Variants in UNC50 observed in about 807,000 individuals in gnomAD.
UNC50 encodes unc-50 inner nuclear membrane RNA binding protein, also known as protein unc-50 homolog.
A neutral mutation model predicts 31.5 loss-of-function variants in UNC50; 24 were observed. The observed-to-expected ratio is 0.76, with a 90% CI of 0.55 to 1.07. UNC50 has a LOEUF of 1.07. Among genes scored for constraint, UNC50 ranks in the 50% least tolerant of loss-of-function variants. The pLI, the probability that UNC50 is intolerant of heterozygous loss-of-function variation, is 0.00. For synonymous variants in UNC50, 118 were observed against 114.7 expected, an observed-to-expected ratio of 1.03 and a Z score of -0.18; for missense variants, 245 against 304.2, an observed-to-expected ratio of 0.81 and a Z score of 1.45.
At chr2:98,613,959 G>A (rs1460650569) in intron 3 of UNC50, among the ~76,000 whole-genome samples, 1 of 152,194 alleles carries the variant, frequency 6.6e-6, no homozygotes, top group East Asian at 1.9e-4. Flanking sequence ...ATAGAGGTGT[G>A]AACAGCACAC....
At chr2:98,618,031 T>C (rs1168797293) in intron 5 of UNC50, 137 bp from the exon 6 acceptor site, 2 of 934,796 alleles carry the variant, frequency 2.1e-6, no homozygotes, top group South Asian at 1.9e-5. Flanking sequence ...TGGGCATAAA[T>C]AGCATCATCT....
At chr2:98,614,846 GTTAACA>G (rs1700894534) in intron 3 of UNC50, among the ~76,000 whole-genome samples, 1 of 152,144 alleles carries the variant, frequency 6.6e-6, no homozygotes, top group Non-Finnish European at 1.5e-5. Context: ...TGCAGGGACT[GTTAACA>G]TTAGTATTGT....
intron 3 of UNC50, among the ~76,000 whole-genome samples, chr2:98,612,128 T>C (rs1700843813): frequency 6.6e-6 from 1 of 152,162 alleles, no homozygotes; most frequent in African/African-American, 2.4e-5. Context: ...GGGCAGGGGA[T>C]GTGGCTAGCG....
Position 98,616,359 on chromosome 2 carries a change from TA to T in UNC50, c.541+15del. ...TTTTTCATCAACCGTAAGTAGCAGTTAATTAGAGTATTATCCAAGTCTTCAT... is the reference window on the plus strand; with the variant it reads ...TTTTTCATCAACCGTAAGTAGCAGTTATTAGAGTATTATCCAAGTCTTCAT... On this transcript the variant is annotated intron_variant, in intron 4 of 5. Coordinates refer to ENST00000357765, the MANE Select transcript of UNC50 (RefSeq NM_014044.7). The T allele has an allele frequency of 1.2e-6, 2 of 1,613,844 alleles. No individual in the cohort carries two copies. Among genetic ancestry groups the T allele is most frequent in the Non-Finnish European group, 1.7e-6 (2 of 1,179,820 alleles).
chr2:98,616,164 A>G (rs778552483), intron 3 of UNC50, 43 bp from the exon 4 acceptor site: 1 of 1,581,024 alleles, frequency 6.3e-7, no homozygotes, highest in South Asian at 1.1e-5. Context: ...AAACATTTAC[A>G]GAATTCATTT....
At chr2:98,614,726 A>G (rs183575619) in intron 3 of UNC50, among the ~76,000 whole-genome samples, 8 of 152,356 alleles carry the variant, frequency 5.3e-5, no homozygotes, top group African/African-American at 1.7e-4. Flanking sequence ...GGAGCGAGCT[A>G]CATACTGATT....
chr2:98,618,327 G>C lies in UNC50; in HGVS notation c.*23G>C, dbSNP rs17034353. 5 of 1,585,374 alleles carry C rather than the reference G, an allele frequency of 3.2e-6. No individual in the cohort carries two copies. The highest frequency in any genetic ancestry group is 1.4e-5 in the African/African-American group (1 of 73,082). ...TAAAAAGTGAGAAGAAGATTCAATC[G>C]TAACTGTGTCAACAGTATTGTGAAG... On this transcript the variant is annotated 3_prime_UTR_variant, in exon 6 of 6. Transcript: ENST00000357765.
chr2:98,611,398 C>G (rs1700826388), intron 3 of UNC50, among the ~76,000 whole-genome samples: 1 of 152,148 alleles, frequency 6.6e-6, no homozygotes, highest in South Asian at 2.1e-4. Flanking sequence ...TTTGATCTGC[C>G]TTTCACTGAA....
At position 98,616,302 on chromosome 2, in the gene UNC50, C is replaced by T. The variant is rs1020059847; in HGVS notation, c.497C>T (p.Pro166Leu). Residue 166 changes from proline (P) to leucine (L), a missense_variant, in exon 4 of 6, where the codon CCA becomes CTA. Pro to Leu is a moderately conservative substitution (Grantham distance 98). Coordinates refer to ENST00000357765, the MANE Select transcript of UNC50 (RefSeq NM_014044.7). ...GATGTGCATCTCAATGCTTTTTATCCACTCCTGGTCATTTTGCATTTTATC... is the reference window on the plus strand; with the variant it reads ...GATGTGCATCTCAATGCTTTTTATCTACTCCTGGTCATTTTGCATTTTATC... ...AFDVHLNAFY[P>L]LLVILHFIQL... 2 of 1,613,958 alleles carry T rather than the reference C, an allele frequency of 1.2e-6. No individual in the cohort carries two copies. The highest frequency in any genetic ancestry group is 1.3e-5 in the African/African-American group (1 of 74,904).
At chr2:98,618,125 T>TTA (rs1553534052) in intron 5 of UNC50, 43 bp from the exon 6 acceptor site, 42 of 1,373,944 alleles carry the variant, frequency 3.1e-5, no homozygotes, top group African/African-American at 1.5e-4. Context: ...AGTCATTTAT[T>TTA]TTTTTTTTTT....
intron 3 of UNC50, among the ~76,000 whole-genome samples, chr2:98,615,514 C>A (rs1360901587): frequency 6.6e-6 from 1 of 152,138 alleles, no homozygotes; most frequent in Non-Finnish European, 1.5e-5. Flanking sequence ...ATTTTTTTCT[C>A]ATACTCCAAT....
At chr2:98,608,759 G>A in intron 1 of UNC50, 33 bp downstream of exon 1, 1 of 322,596 alleles carries the variant, frequency 3.1e-6, no homozygotes, top group Non-Finnish European at 5.8e-6. Flanking sequence ...CCCTCCCGCG[G>A]CCCGGGCTCG....
chr2:98,610,183 G>T (rs931315390), intron 2 of UNC50, 144 bp downstream of exon 2: 4 of 897,620 alleles, frequency 4.5e-6, no homozygotes, highest in Non-Finnish European at 6.7e-6. Context: ...TCACAGGAAA[G>T]AAAGTTGTAG....
intron 1 of UNC50, chr2:98,609,298 T>C: frequency 6.4e-6 from 1 of 156,668 alleles, no homozygotes; most frequent in South Asian, 1.6e-4. Flanking sequence ...TTGCTGGCAG[T>C]GCGCTGATGG....
intron 2 of UNC50, among the ~76,000 whole-genome samples, chr2:98,610,407 CTG>C (rs1308719819): frequency 6.6e-6 from 1 of 152,188 alleles, no homozygotes; most frequent in African/African-American, 2.4e-5. Context: ...ACCTGAGAAA[CTG>C]AAGTTCTCCA....
chr2:98,611,613 G>C (rs1159179246), intron 3 of UNC50, among the ~76,000 whole-genome samples: 2 of 152,200 alleles, frequency 1.3e-5, no homozygotes, highest in East Asian at 1.9e-4. Flanking sequence ...AAGTTTGCCT[G>C]ACACAGTTAC....
rs1700977652 is a variant in UNC50 at position 98,618,402 on chromosome 2, C to CTT, written c.*99_*100dup. ...AATAAACTATCATCTTTGTAGATAT[C>CTT]TTAAAGGTGTAAAGTTTGCAAATTT... On this transcript the variant is annotated 3_prime_UTR_variant, in exon 6 of 6. Coordinates refer to ENST00000357765, the MANE Select transcript of UNC50 (RefSeq NM_014044.7). 1 of 1,335,964 alleles carries CTT rather than the reference C, an allele frequency of 7.5e-7. No homozygotes were observed. Among genetic ancestry groups the CTT allele is most frequent in the South Asian group, 2.0e-5 (1 of 50,312 alleles). The allele number at this position is 1,335,964 out of a possible 1,614,324, so 82.8% of individuals were successfully genotyped here.
intron 3 of UNC50, among the ~76,000 whole-genome samples, chr2:98,613,995 C>T (rs1013395995): frequency 4.6e-5 from 7 of 152,100 alleles, no homozygotes; most frequent in Non-Finnish European, 7.3e-5. Context: ...AGGGTGACAC[C>T]GAGTCACTGG....
intron 1 of UNC50, chr2:98,609,468 G>A: frequency 2.0e-6 from 1 of 491,386 alleles, no homozygotes; most frequent in Non-Finnish European, 3.7e-6. Flanking sequence ...CGGAGTCATG[G>A]GGCAGTCACA....
Sources: gnomAD v4.1 joint callset for allele counts (sites outside exome capture counted in the v4.1 genomes callset) on GRCh38, gnomAD v4.1.1 for gene constraint, MANE v1.5 for transcripts, NCBI Gene and HGNC (gene_info 2026-07-23, HGNC 2026-07-21) for gene names.